The following RFX7 variants were observed in gnomAD, a reference collection of about 807,000 sequenced individuals.
RFX7 encodes DNA-binding protein RFX7.
A neutral mutation model predicts 111.8 loss-of-function variants in RFX7; 26 were observed. The observed-to-expected ratio is 0.23, with a 90% CI of 0.17 to 0.32. The LOEUF (loss-of-function observed/expected upper bound fraction) is 0.32. Among genes scored for constraint, RFX7 ranks in the 10% least tolerant of loss-of-function variants. RFX7 has a pLI of 1.00. For missense variants in RFX7, 1,573 were observed against 1,772.9 expected, an observed-to-expected ratio of 0.89 and a Z score of 2.02; for synonymous variants, 624 against 624.4, an observed-to-expected ratio of 1.00 and a Z score of 0.01.
chr15:56,103,828 G>A lies in RFX7; in HGVS notation c.402-158C>T, dbSNP rs74470271. On this transcript the variant is annotated intron_variant, in intron 5 of 9. Coordinates refer to ENST00000559447, the MANE Select transcript of RFX7 (RefSeq NM_022841.7). ...TGATCATCACTCTTTGGTGATGCAT[G>A]TTAACTCAGGTTTAGTTAGCTGGCT... Among the ~76,000 whole-genome samples, 226 of 152,324 alleles carry A rather than the reference G, an allele frequency of 1.5e-3. 1 individual carries two copies. The highest frequency in any genetic ancestry group is 5.1e-3 in the African/African-American group (210 of 41,570).
Position 56,110,258 on chromosome 15 carries a change from G to T in RFX7, c.402-6588C>A, listed in dbSNP as rs1400939063. 3.0e-5 allele frequency among the ~76,000 whole-genome samples: 3 copies of T among 101,376 alleles called. 1 individual carries two copies. The highest frequency in any genetic ancestry group is 6.4e-5 in the Non-Finnish European group (3 of 46,532). 66.5% of individuals were successfully genotyped at this position (101,376 alleles called of 152,430 possible). A position where few individuals can be genotyped will look rare whatever the true frequency, so the allele number is the denominator to read the frequency against. ...CTGCCCGGCCAGCCGCCCCGTCCGG[G>T]AGGGAGGTGGGGGGGGGTCAGCCCC... On this transcript the variant is annotated intron_variant, in intron 5 of 9. Transcript: ENST00000559447.
intron 8 of RFX7, among the ~76,000 whole-genome samples, chr15:56,098,848 T>A (rs2041716606): frequency 6.6e-6 from 1 of 152,232 alleles, no homozygotes; most frequent in African/African-American, 2.4e-5. Flanking sequence ...AAGCCACTCC[T>A]CATAATGGAA....
chr15:56,145,121 G>C (rs1266208028), intron 3 of RFX7, among the ~76,000 whole-genome samples: 4 of 152,136 alleles, frequency 2.6e-5, no homozygotes, highest in African/African-American at 2.4e-5. Flanking sequence ...TGTTGCTACT[G>C]TTCTGCAACT....
Position 56,098,373 on chromosome 15 carries a change from A to G in RFX7, c.815T>C (p.Met272Thr), listed in dbSNP as rs1239225880. ...AGCAGAAGGCTGGGTAATTCCTTTC[A>G]TTCCTGAAAATAAACAGAAAGGAAA... ...LTVMAAAPAG[M>T]KGITQPSAFI... The change falls in exon 9 of 10, where the codon ATG becomes ACG. Residue 272 changes from methionine to threonine, a missense_variant. Met to Thr is a moderately conservative substitution (Grantham distance 81). Transcript: ENST00000559447. The G allele has an allele frequency of 6.3e-7, 1 of 1,583,650 alleles. No individual in the cohort carries two copies. The highest frequency in any genetic ancestry group is 1.9e-5 in the Admixed American group (1 of 53,694).
At position 56,092,520 on chromosome 15, in the gene RFX7, TTAACAAA is replaced by T. The variant is rs2041609018; in HGVS notation, c.*818_*824del. 6.6e-6 allele frequency: 1 copy of T among 152,192 alleles called. No individual in the cohort carries two copies. The highest frequency in any genetic ancestry group is 2.4e-5 in the African/African-American group (1 of 41,458). 9.4% of individuals were successfully genotyped at this position (152,192 alleles called of 1,614,324 possible). Reference sequence around the variant, plus strand: ...TTGTTTTCCTTCTCATTCCCCTAACTTAACAAATAATAAGACATAAAGCATTTTTCTA... The same window carrying T: ...TTGTTTTCCTTCTCATTCCCCTAACTTAATAAGACATAAAGCATTTTTCTA... On this transcript the variant is annotated 3_prime_UTR_variant, in exon 10 of 10. Transcript: ENST00000559447.
chr15:56,111,643 A>AT (rs1416771499), intron 5 of RFX7, among the ~76,000 whole-genome samples: 1 of 148,714 alleles, frequency 6.7e-6, no homozygotes, highest in East Asian at 2.0e-4. Context: ...AGAATGATCA[A>AT]TAAAAAAATA....
At chr15:56,234,492 CAGTT>C (rs2043601227) in intron 2 of RFX7, among the ~76,000 whole-genome samples, 1 of 152,128 alleles carries the variant, frequency 6.6e-6, no homozygotes, top group Admixed American at 6.5e-5. Flanking sequence ...AATAATATGA[CAGTT>C]AAATTTTGAT....
chr15:56,215,167 G>A (rs2043351181), intron 2 of RFX7, among the ~76,000 whole-genome samples: 2 of 152,156 alleles, frequency 1.3e-5, no homozygotes, highest in Admixed American at 1.3e-4. Flanking sequence ...CTTCATGTAT[G>A]TTAAATCATC....
At chr15:56,151,166 C>G (rs781448695) in intron 3 of RFX7, among the ~76,000 whole-genome samples, 4 of 152,138 alleles carry the variant, frequency 2.6e-5, no homozygotes, top group African/African-American at 4.8e-5. Context: ...CTTCTCCAAC[C>G]GAGCAAGACA....
At chr15:56,102,582 A>T (rs537836751) in intron 6 of RFX7, among the ~76,000 whole-genome samples, 77 of 152,350 alleles carry the variant, frequency 5.1e-4, no homozygotes, top group African/African-American at 1.8e-3. Flanking sequence ...AGCCAGATGG[A>T]AACCTGGCAC....
intron 5 of RFX7, among the ~76,000 whole-genome samples, chr15:56,115,924 C>T (rs1472700542): frequency 1.4e-5 from 2 of 145,962 alleles, no homozygotes; most frequent in Non-Finnish European, 3.0e-5. Context: ...CCTGGGCCAA[C>T]AGAGCGAGAC....
chr15:56,181,408 A>C (rs112464481), intron 2 of RFX7, among the ~76,000 whole-genome samples: 5 of 152,120 alleles, frequency 3.3e-5, no homozygotes, highest in Admixed American at 1.3e-4. Flanking sequence ...ATTTTTCATC[A>C]TTGCACTTAT....
At position 56,218,822 on chromosome 15, in the gene RFX7, AG is replaced by A. The variant is rs1262507428; in HGVS notation, c.161+24302del. Among the ~76,000 whole-genome samples, 16 of 152,360 alleles carry A rather than the reference AG, an allele frequency of 1.1e-4. No individual in the cohort carries two copies. In the East Asian group the frequency reaches 3.1e-3, roughly 29 times the overall value. ...CAAATACAAATCTAGAAATGAAACCAGGACTGAAATCCATGTCTGTCTTATT... is the reference window on the plus strand; with the variant it reads ...CAAATACAAATCTAGAAATGAAACCAGACTGAAATCCATGTCTGTCTTATT... On this transcript the variant is annotated intron_variant, in intron 2 of 9. Coordinates refer to ENST00000559447, the MANE Select transcript of RFX7 (RefSeq NM_022841.7).
intron 2 of RFX7, among the ~76,000 whole-genome samples, chr15:56,218,412 G>A (rs2043389483): frequency 6.6e-6 from 1 of 152,084 alleles, no homozygotes; most frequent in Non-Finnish European, 1.5e-5. Flanking sequence ...GATTACAGGC[G>A]TGAGCCACCA....
chr15:56,206,609 C>T (rs943033791), intron 2 of RFX7, among the ~76,000 whole-genome samples: 1 of 152,036 alleles, frequency 6.6e-6, no homozygotes, highest in African/African-American at 2.4e-5. Flanking sequence ...CCTAAGTGTC[C>T]ATCAACAGAT....
chr15:56,102,190 G>A lies in RFX7; in HGVS notation c.582C>T (p.Asp194=). ...TTACCCCATCTCCAGTTTTGTGAAA[G>A]TCAAGGTTGGGCAGTGTTGGCATAT... is the stretch of plus-strand genomic sequence containing the variant. The part of the protein sequence containing the change: ...FVHMPTLPNL[D]FHKTGDGLEG... The change falls in exon 7 of 10, where the codon GAC becomes GAT. Residue 194 remains aspartate, a synonymous_variant. Coordinates refer to ENST00000559447, the MANE Select transcript of RFX7 (RefSeq NM_022841.7). 1 of 1,612,480 alleles carries A rather than the reference G, an allele frequency of 6.2e-7. No individual in the cohort carries two copies. The highest frequency in any genetic ancestry group is 8.5e-7 in the Non-Finnish European group (1 of 1,179,022).
At chr15:56,166,890 T>C (rs1301558205) in intron 3 of RFX7, among the ~76,000 whole-genome samples, 3 of 152,174 alleles carry the variant, frequency 2.0e-5, no homozygotes, top group African/African-American at 7.2e-5. Context: ...GGGCGACAGC[T>C]ACCATGCCTG....
At chr15:56,124,630 C>A (rs908936130) in intron 5 of RFX7, among the ~76,000 whole-genome samples, 5 of 152,162 alleles carry the variant, frequency 3.3e-5, no homozygotes, top group Admixed American at 6.5e-5. Context: ...CATTTTTCCA[C>A]GTACCTATGG....
In RFX7 at chr15:56,239,984, CTTTTTTTTTTTT is replaced by C. The variant is rs5812831; in HGVS notation, c.161+3129_161+3140del. Among the ~76,000 whole-genome samples, 708 of 120,928 alleles carry C rather than the reference CTTTTTTTTTTTT, an allele frequency of 5.9e-3. 6 individuals carry two copies. The highest frequency in any genetic ancestry group is 0.021 in the African/African-American group (676 of 31,542). 79.3% of individuals were successfully genotyped at this position (120,928 alleles called of 152,430 possible). A position where few individuals can be genotyped will look rare whatever the true frequency, so the allele number is the denominator to read the frequency against. On this transcript the variant is annotated intron_variant, in intron 2 of 9. Transcript: ENST00000559447. ...GAAGGGAAAACTTGCTTTGGTATTT[CTTTTTTTTTTTT>C]TTTTTTTTTTGAAGTAACCAAAGAG...
Sources: allele counts gnomAD v4.1 joint callset (sites outside exome capture counted in the v4.1 genomes callset), GRCh38; gene constraint gnomAD v4.1.1; transcripts MANE v1.5; gene names NCBI Gene and HGNC (gene_info 2026-07-23, HGNC 2026-07-21).